THEMIS: variants seen among roughly 807,000 people sequenced by gnomAD.
The protein encoded by THEMIS is thymocyte selection associated.
Under a neutral mutation model 52.6 loss-of-function variants are expected in THEMIS, and 37 were observed. That is an observed-to-expected ratio of 0.70 (90% confidence interval 0.54 to 0.93). The LOEUF (loss-of-function observed/expected upper bound fraction) is 0.93. Ranked by LOEUF, THEMIS falls within the 40% of genes least tolerant of loss-of-function variation. The pLI is 0.00. For synonymous variants in THEMIS, 292 were observed against 272.7 expected (o/e 1.07, Z -0.70); for missense variants, 808 against 763.1 (o/e 1.06, Z -0.69).
At chr6:127,747,085 AATTAT>A (rs1244322789) in intron 4 of THEMIS, among the ~76,000 whole-genome samples, 1 of 125,370 alleles carries the variant, frequency 8.0e-6, no homozygotes, top group Admixed American at 9.6e-5. Flanking sequence ...AGATATCTAT[AATTAT>A]ATTATATATA....
At chr6:127,737,369 T>C (rs1775044803) in intron 4 of THEMIS, among the ~76,000 whole-genome samples, 1 of 152,180 alleles carries the variant, frequency 6.6e-6, no homozygotes, top group South Asian at 2.1e-4. Flanking sequence ...GTTGAGCCTC[T>C]CAAGATCACA....
At chr6:127,719,011 A>G (rs1774269823) in intron 5 of THEMIS, among the ~76,000 whole-genome samples, 1 of 151,942 alleles carries the variant, frequency 6.6e-6, no homozygotes. Flanking sequence ...GCTTAAGAAT[A>G]ATTACAGTTT....
chr6:127,907,486 G>C, intron 1 of THEMIS, among the ~76,000 whole-genome samples: 1 of 151,300 alleles, frequency 6.6e-6, no homozygotes, highest in East Asian at 1.9e-4. Flanking sequence ...ACCTGGAAAA[G>C]TCCCAGGATA....
At chr6:127,834,865 T>C in intron 2 of THEMIS, among the ~76,000 whole-genome samples, 1 of 152,146 alleles carries the variant, frequency 6.6e-6, no homozygotes, top group East Asian at 1.9e-4. Context: ...AATGATATAA[T>C]CTGATATCTA....
At chr6:127,852,659 T>C (rs1779470022) in intron 2 of THEMIS, among the ~76,000 whole-genome samples, 1 of 151,518 alleles carries the variant, frequency 6.6e-6, no homozygotes, top group Non-Finnish European at 1.5e-5. Context: ...ACTTAAATAG[T>C]TTTAAAATAG....
chr6:127,731,503 C>A (rs1301693919), intron 4 of THEMIS, among the ~76,000 whole-genome samples: 1 of 150,978 alleles, frequency 6.6e-6, no homozygotes, highest in Non-Finnish European at 1.5e-5. Flanking sequence ...AAGTGTCAGG[C>A]ATTATTCTAA....
chr6:127,744,842 T>TACAC lies in THEMIS; in HGVS notation c.1759-25023_1759-25020dup, dbSNP rs112041681. ...CATGTCAAGTGTACTTACACACACA[T>TACAC]ACACACACACACACACACATTAGCA... is the stretch of plus-strand genomic sequence containing the variant. On this transcript the variant is annotated intron_variant, in intron 4 of 5. Coordinates refer to ENST00000368248, the MANE Select transcript of THEMIS (RefSeq NM_001010923.3). Among the ~76,000 whole-genome samples the TACAC allele has an allele frequency of 1.7e-3, 261 of 149,388 alleles. 1 individual carries two copies. The highest frequency in any genetic ancestry group is 5.4e-3 in the African/African-American group (220 of 40,978).
At chr6:127,743,677 C>G (rs1775284700) in intron 4 of THEMIS, among the ~76,000 whole-genome samples, 2 of 152,030 alleles carry the variant, frequency 1.3e-5, no homozygotes, top group Non-Finnish European at 2.9e-5. Context: ...GGCTGCTTCA[C>G]ATATGTGTGA....
intron 4 of THEMIS, among the ~76,000 whole-genome samples, chr6:127,795,554 T>C (rs1169798636): frequency 6.6e-6 from 1 of 152,162 alleles, no homozygotes; most frequent in African/African-American, 2.4e-5. Flanking sequence ...GGTCTCGATC[T>C]CCTGACCTCG....
rs116005763 is a variant in THEMIS, at chr6:127,752,357, C to T, written c.1759-32534G>A. Among the ~76,000 whole-genome samples the T allele has an allele frequency of 7.0e-3, 915 of 131,338 alleles. 12 individuals carry two copies. The highest frequency in any genetic ancestry group is 0.024 in the African/African-American group (876 of 36,986). The allele number at this position is 131,338 out of a possible 152,430, so 86.2% of individuals were successfully genotyped here. On this transcript the variant is annotated intron_variant, in intron 4 of 5. Coordinates refer to ENST00000368248, the MANE Select transcript of THEMIS (RefSeq NM_001010923.3). ...AAAAAAGTAGGAAAGAGTAATGAAA[C>T]GAAGAGTTTTTTTTTTTTTTGGAAA...
rs767343637 is a variant in THEMIS at position 127,909,390 on chromosome 6, A to T, written c.-149-8309T>A. 2.4e-4 allele frequency among the ~76,000 whole-genome samples: 36 copies of T among 152,188 alleles called. 1 individual carries two copies. The highest frequency in any genetic ancestry group is 6.6e-4 in the Admixed American group (10 of 15,256). ...GGGGCAGTTTCATCATCCTGTTCTC[A>T]TGATAGTGAGTGAGTTCTCACGAGA... is the stretch of plus-strand genomic sequence containing the variant. On this transcript the variant is annotated intron_variant, in intron 1 of 6. Coordinates refer to the THEMIS transcript ENST00000368250.
At chr6:127,872,288 T>TA (rs1438061321) in intron 1 of THEMIS, among the ~76,000 whole-genome samples, 3 of 152,106 alleles carry the variant, frequency 2.0e-5, no homozygotes, top group Non-Finnish European at 4.4e-5. Context: ...AACAAACTCT[T>TA]ACGCTGGGAG....
intron 4 of THEMIS, among the ~76,000 whole-genome samples, chr6:127,796,570 T>C (rs1403322334): frequency 6.6e-6 from 1 of 152,184 alleles, no homozygotes; most frequent in African/African-American, 2.4e-5. Flanking sequence ...CACATAACTT[T>C]TTGGAAATAA....
chr6:127,783,351 A>T (rs151106220), intron 4 of THEMIS, among the ~76,000 whole-genome samples: 2 of 152,312 alleles, frequency 1.3e-5, no homozygotes, highest in African/African-American at 4.8e-5. Context: ...TGACTAAAAC[A>T]CCAAAACCAA....
chr6:127,773,116 T>A (rs1216761437), intron 4 of THEMIS, among the ~76,000 whole-genome samples: 1 of 152,146 alleles, frequency 6.6e-6, no homozygotes, highest in African/African-American at 2.4e-5. Context: ...CTAGAGATAA[T>A]CCCAAGATTT....
intron 1 of THEMIS, among the ~76,000 whole-genome samples, chr6:127,858,985 A>T (rs969873939): frequency 6.6e-6 from 1 of 152,110 alleles, no homozygotes; most frequent in Non-Finnish European, 1.5e-5. Flanking sequence ...TTATGAGCTC[A>T]TCCCTTGTTT....
chr6:127,745,314 T>A (rs1338513977), intron 4 of THEMIS, among the ~76,000 whole-genome samples: 1 of 151,842 alleles, frequency 6.6e-6, no homozygotes, highest in African/African-American at 2.4e-5. Context: ...AGAGAAAAAT[T>A]AGAAACAACC....
In THEMIS at chr6:127,741,981, T is replaced by C. The variant is rs951471343; in HGVS notation, c.1759-22158A>G. 3.3e-5 allele frequency among the ~76,000 whole-genome samples: 5 copies of C among 151,938 alleles called. No individual in the cohort carries two copies. In the South Asian group the frequency reaches 6.2e-4, roughly 19 times the overall value. ...TGGGCAAGGAGGATATGAGCCATTG[T>C]GGAAAACAGTATGAAGGTCTGTCAA... On this transcript the variant is annotated intron_variant, in intron 4 of 5. Transcript: ENST00000368248.
chr6:127,702,235 A>G, the THEMIS span, among the ~76,000 whole-genome samples: 1 of 152,152 alleles, frequency 6.6e-6, no homozygotes, highest in East Asian at 1.9e-4. Flanking sequence ...AGGCTTACAA[A>G]AGTCAACTGT....
Sources: gnomAD v4.1 joint callset for allele counts (sites outside exome capture counted in the v4.1 genomes callset) on GRCh38, gnomAD v4.1.1 for gene constraint, MANE v1.5 for transcripts, NCBI Gene and HGNC (gene_info 2026-07-23, HGNC 2026-07-21) for gene names.